The following KIF16B variants were observed in gnomAD, a reference collection of about 807,000 sequenced individuals.
KIF16B encodes kinesin-like protein KIF16B.
Under a neutral mutation model 156.3 loss-of-function variants are expected in KIF16B, and 98 were observed. The observed-to-expected ratio is 0.63, with a 90% CI of 0.53 to 0.74. The LOEUF (loss-of-function observed/expected upper bound fraction) is 0.74, where lower values mean the gene tolerates loss of function less well. Ranked by LOEUF, KIF16B falls within the 30% of genes least tolerant of loss-of-function variation. KIF16B has a pLI of 0.00. For missense variants in KIF16B, 1,421 were observed against 1,606.5 expected (o/e 0.88, Z 1.97); for synonymous variants, 564 against 583.7 (o/e 0.97, Z 0.49).
chr20:16,272,751 GA>G lies in KIF16B; in HGVS notation c.*501del, dbSNP rs369683105. The stretch of plus-strand genomic sequence containing the variant: ...TTCTGATTCAAATGAGGGAAAAAAA[GA>G]AAAAAATACAATGAAATAATTTAAA... On this transcript the variant is annotated 3_prime_UTR_variant, in exon 26 of 26. Coordinates refer to ENST00000354981, the MANE Select transcript of KIF16B (RefSeq NM_024704.5). The G allele has an allele frequency of 6.6e-6, 1 of 152,470 alleles. No individual in the cohort carries two copies. The highest frequency in any genetic ancestry group is 1.5e-5 in the Non-Finnish European group (1 of 68,054). 9.4% of individuals were successfully genotyped at this position (152,470 alleles called of 1,614,324 possible). A position where few individuals can be genotyped will look rare whatever the true frequency, so the allele number is the denominator to read the frequency against.
intron 12 of KIF16B, among the ~76,000 whole-genome samples, chr20:16,456,630 A>AT (rs1025640823): frequency 1.3e-5 from 2 of 152,206 alleles, no homozygotes; most frequent in African/African-American, 4.8e-5. Context: ...CCCAAATTAC[A>AT]TAAGTGGTAA....
chr20:16,371,614 A>C, intron 21 of KIF16B, 51 bp downstream of exon 21: 1 of 1,166,404 alleles, frequency 8.6e-7, no homozygotes, highest in African/African-American at 1.6e-5. Context: ...AAAGGAAAAA[A>C]GAAAGATGAA....
chr20:16,365,020 C>T (rs933610485), intron 22 of KIF16B, among the ~76,000 whole-genome samples: 1 of 152,140 alleles, frequency 6.6e-6, no homozygotes, highest in African/African-American at 2.4e-5. Context: ...GTTTATTTAT[C>T]ACTCCCTTCT....
rs1368976984 is a variant in KIF16B at position 16,476,360 on chromosome 20, T to C, written c.1302+17931A>G. Among the ~76,000 whole-genome samples, 3 of 152,212 alleles carry C rather than the reference T, an allele frequency of 2.0e-5. No individual in the cohort carries two copies. The East Asian group carries it at 5.8e-4, about 29-fold the overall frequency. On this transcript the variant is annotated intron_variant, in intron 12 of 25. Coordinates refer to ENST00000354981, the MANE Select transcript of KIF16B (RefSeq NM_024704.5). ...AAGATTAACCCATTGAAAAGACACA[T>C]TTGTTTTGTTAAAGTGAAGAAATCA...
At chr20:16,346,309 T>C (rs2064233716) in intron 23 of KIF16B, among the ~76,000 whole-genome samples, 1 of 152,184 alleles carries the variant, frequency 6.6e-6, no homozygotes, top group Non-Finnish European at 1.5e-5. Context: ...GGGAGGTGTA[T>C]GGAGCTTGGA....
At chr20:16,299,985 G>C (rs370176456) in intron 25 of KIF16B, among the ~76,000 whole-genome samples, 59 of 152,270 alleles carry the variant, frequency 3.9e-4, no homozygotes, top group African/African-American at 1.3e-3. Context: ...GTGTGAAAAA[G>C]TCTTTGCTGT....
intron 25 of KIF16B, among the ~76,000 whole-genome samples, chr20:16,301,573 CAT>C (rs1290098308): frequency 5.3e-5 from 8 of 152,184 alleles, no homozygotes; most frequent in African/African-American, 1.9e-4. Context: ...TTCCTAATGA[CAT>C]ATGTTATTGA....
At chr20:16,403,733 T>G (rs1027356459) in intron 17 of KIF16B, among the ~76,000 whole-genome samples, 1 of 152,208 alleles carries the variant, frequency 6.6e-6, no homozygotes, top group Non-Finnish European at 1.5e-5. Context: ...CAAAGATCCC[T>G]CCTATGACAC....
chr20:16,388,574 T>C (rs554221546), intron 17 of KIF16B, among the ~76,000 whole-genome samples: 1 of 152,320 alleles, frequency 6.6e-6, no homozygotes, highest in African/African-American at 2.4e-5. Flanking sequence ...AAATGACACT[T>C]GGAAGTATAC....
In KIF16B at chr20:16,409,978, TATATATATATATATGTAGGTAC is replaced by T. The variant is rs1176547485; in HGVS notation, c.1613-3544_1613-3523del. On this transcript the variant is annotated intron_variant, in intron 15 of 25. Transcript: ENST00000354981. ...ATATATATATATATATACATATATA[TATATATATATATATGTAGGTAC>T]ATATATATATGTAGGTACATATATA... Among the ~76,000 whole-genome samples the T allele has an allele frequency of 5.7e-4, 41 of 71,612 alleles. 1 individual carries two copies. Among genetic ancestry groups the T allele is most frequent in the Non-Finnish European group, 1.0e-3 (37 of 36,286 alleles). 47.0% of individuals were successfully genotyped at this position (71,612 alleles called of 152,430 possible).
chr20:16,344,178 T>C (rs956639966), intron 23 of KIF16B, among the ~76,000 whole-genome samples: 2 of 152,206 alleles, frequency 1.3e-5, no homozygotes, highest in African/African-American at 2.4e-5. Flanking sequence ...TCCAAATGTA[T>C]GAATCTGTAT....
chr20:16,348,994 A>T (rs1372775708), intron 23 of KIF16B, among the ~76,000 whole-genome samples: 1 of 152,196 alleles, frequency 6.6e-6, no homozygotes, highest in Non-Finnish European at 1.5e-5. Flanking sequence ...GCCTGGTCCC[A>T]TCCTGGTACC....
chr20:16,496,400 T>C (rs1287742695), intron 11 of KIF16B, among the ~76,000 whole-genome samples: 1 of 152,236 alleles, frequency 6.6e-6, no homozygotes, highest in Non-Finnish European at 1.5e-5. Context: ...CTTGGATTTA[T>C]TTTACTGTTG....
chr20:16,391,682 A>C (rs1198455571), intron 17 of KIF16B, among the ~76,000 whole-genome samples: 3 of 152,176 alleles, frequency 2.0e-5, no homozygotes, highest in African/African-American at 7.2e-5. Flanking sequence ...GAAGTACAGA[A>C]GGACCACATG....
chr20:16,406,775 G>A (rs2065797505), intron 15 of KIF16B, among the ~76,000 whole-genome samples: 1 of 151,916 alleles, frequency 6.6e-6, no homozygotes, highest in African/African-American at 2.4e-5. Flanking sequence ...TTGTCTGGAA[G>A]AAAAAAGGAA....
rs552785275 is a variant in KIF16B at position 16,366,154 on chromosome 20, G to A, written c.3498+4432C>T. 9.2e-5 allele frequency among the ~76,000 whole-genome samples: 14 copies of A among 152,262 alleles called. No individual in the cohort carries two copies. The East Asian group carries it at 2.7e-3, about 29-fold the overall frequency. ...GTTTGCAGCCTCTTACCTAGGAGGA[G>A]GCAGCTGACTACTGGGTGGAGCTTC... On this transcript the variant is annotated intron_variant, in intron 22 of 25. Coordinates refer to ENST00000354981, the MANE Select transcript of KIF16B (RefSeq NM_024704.5).
At chr20:16,341,061 T>C (rs527430042) in intron 23 of KIF16B, among the ~76,000 whole-genome samples, 54 of 152,090 alleles carry the variant, frequency 3.6e-4, no homozygotes, top group African/African-American at 1.2e-3. Flanking sequence ...ATGCTACCAT[T>C]GTGTGTGTGT....
intron 25 of KIF16B, among the ~76,000 whole-genome samples, chr20:16,307,970 C>T (rs718844): frequency 0.36 from 55,361 of 151,850 alleles, 10,394 homozygotes; most frequent in African/African-American, 0.45. Flanking sequence ...ATAATACGTA[C>T]AATATTTAAA....
chr20:16,521,138 G>T (rs1260149668), intron 3 of KIF16B, among the ~76,000 whole-genome samples: 2 of 152,082 alleles, frequency 1.3e-5, no homozygotes, highest in East Asian at 3.9e-4. Flanking sequence ...CTCCTCACCA[G>T]CAAGGGAACA....
Sources: gnomAD v4.1 joint callset for allele counts (sites outside exome capture counted in the v4.1 genomes callset) on GRCh38, gnomAD v4.1.1 for gene constraint, MANE v1.5 for transcripts, NCBI Gene and HGNC (gene_info 2026-07-23, HGNC 2026-07-21) for gene names.